Variants in ARFGEF1 observed in about 807,000 individuals in gnomAD.
ARFGEF1 encodes ARF guanine nucleotide exchange factor 1.
ARFGEF1 carries 42 observed loss-of-function variants against 231.0 expected under a neutral mutation model. The ratio of observed to expected loss-of-function variants is 0.18; its 90% CI spans 0.14 to 0.24. ARFGEF1 has a LOEUF of 0.24. Among genes scored for constraint, ARFGEF1 ranks in the 10% least tolerant of loss-of-function variants. ARFGEF1 has a pLI of 1.00. For missense variants in ARFGEF1, 1,345 were observed against 2,192.0 expected (o/e 0.61, Z 7.72); for synonymous variants, 710 against 732.3 (o/e 0.97, Z 0.49).
At chr8:67,306,933 C>G (rs1226529725) in intron 1 of ARFGEF1, among the ~76,000 whole-genome samples, 1 of 152,182 alleles carries the variant, frequency 6.6e-6, no homozygotes, top group Non-Finnish European at 1.5e-5. Context: ...TGCCCGCCAC[C>G]AAGCACAGCT....
intron 7 of ARFGEF1, among the ~76,000 whole-genome samples, chr8:67,286,584 A>G (rs1805767225): frequency 6.6e-6 from 1 of 152,230 alleles, no homozygotes; most frequent in Admixed American, 6.5e-5. Flanking sequence ...AAAAATAGGT[A>G]GCGGGTTGAA....
intron 8 of ARFGEF1, among the ~76,000 whole-genome samples, chr8:67,276,713 A>G (rs559725673): frequency 1.3e-5 from 2 of 152,254 alleles, no homozygotes; most frequent in Admixed American, 6.5e-5. Flanking sequence ...TAAATTTCTA[A>G]AAGTTTTCTC....
intron 29 of ARFGEF1, among the ~76,000 whole-genome samples, chr8:67,221,345 T>C (rs776237075): frequency 1.2e-4 from 19 of 152,288 alleles, no homozygotes; most frequent in Non-Finnish European, 2.5e-4. Context: ...TATGTGTTAC[T>C]TCCCCCTGAA....
At chr8:67,199,974 C>A in intron 38 of ARFGEF1, 1 of 288,298 alleles carries the variant, frequency 3.5e-6, no homozygotes, top group Non-Finnish European at 7.0e-6. Flanking sequence ...CCTGGAACCA[C>A]TAAATATGCC....
intron 18 of ARFGEF1, among the ~76,000 whole-genome samples, chr8:67,252,380 A>G (rs562062781): frequency 8.5e-4 from 129 of 151,622 alleles, no homozygotes; most frequent in African/African-American, 3.0e-3. Flanking sequence ...ACAACTGGCC[A>G]TAACACTCCA....
At chr8:67,209,424 G>A (rs781505823) in intron 34 of ARFGEF1, among the ~76,000 whole-genome samples, 2 of 152,146 alleles carry the variant, frequency 1.3e-5, no homozygotes, top group Non-Finnish European at 2.9e-5. Flanking sequence ...TGGGGAAGAG[G>A]AGAAGAAGAA....
At chr8:67,327,721 T>A (rs1807902398) in intron 1 of ARFGEF1, among the ~76,000 whole-genome samples, 1 of 152,232 alleles carries the variant, frequency 6.6e-6, no homozygotes, top group Non-Finnish European at 1.5e-5. Context: ...AAAATTTCCT[T>A]GTATTTGCAA....
chr8:67,272,940 T>C (rs1805156827), intron 9 of ARFGEF1, among the ~76,000 whole-genome samples: 1 of 152,010 alleles, frequency 6.6e-6, no homozygotes, highest in African/African-American at 2.4e-5. Flanking sequence ...AAACCCTGTC[T>C]GTACTAAAAA....
In ARFGEF1 at chr8:67,276,286, C is replaced by T. The variant is rs556750788; in HGVS notation, c.1204-177G>A. Among the ~76,000 whole-genome samples, 5 of 152,168 alleles carry T rather than the reference C, an allele frequency of 3.3e-5. No homozygotes were observed. The South Asian group carries it at 6.2e-4, about 19-fold the overall frequency. On this transcript the variant is annotated intron_variant, in intron 8 of 38. Transcript: ENST00000262215. ...TTTCTTTTATACTCCACGGACCACA[C>T]CCAACAATAAATACCTTTAAAAATG...
chr8:67,313,737 G>A (rs1318799175), intron 1 of ARFGEF1, among the ~76,000 whole-genome samples: 1 of 152,280 alleles, frequency 6.6e-6, no homozygotes, highest in East Asian at 1.9e-4. Context: ...GTGCTGGTTG[G>A]CCTCCTGCCA....
chr8:67,253,536 T>A lies in ARFGEF1; in HGVS notation c.2613A>T (p.Ser871=). The change falls in exon 18 of 39, where the codon TCA becomes TCT. Residue 871 remains serine (S), a synonymous_variant. Transcript: ENST00000262215. ...DSKDLPEEYL[S]AIYNEIAGKK... ...TCCCAGCTATTTCATTATAGATGGC[T>A]GATAGATACTCTTCAGGAAGGTCTT... The A allele has an allele frequency of 1.3e-6, 2 of 1,583,628 alleles. No homozygotes were observed. Among genetic ancestry groups the A allele is most frequent in the Non-Finnish European group, 1.7e-6 (2 of 1,153,246 alleles).
chr8:67,195,852 CTAT>C, downstream of ARFGEF1: 1 of 398,828 alleles, frequency 2.5e-6, no homozygotes, highest in South Asian at 3.2e-5. Flanking sequence ...GATTGAACTA[CTAT>C]ATGTGCATTA....
chr8:67,323,276 A>G (rs556867435), intron 1 of ARFGEF1, among the ~76,000 whole-genome samples: 107 of 152,120 alleles, frequency 7.0e-4, no homozygotes, highest in Non-Finnish European at 1.4e-3. Context: ...CAAAAAAGCA[A>G]TAAATGAGAG....
At chr8:67,191,103 A>T (rs1836111797) in intron 5 of ARFGEF1, among the ~76,000 whole-genome samples, 1 of 152,226 alleles carries the variant, frequency 6.6e-6, no homozygotes, top group Admixed American at 6.5e-5. Flanking sequence ...TAATTCTGTG[A>T]TATAGGCATC....
chr8:67,216,619 G>A lies in ARFGEF1; in HGVS notation c.4657C>T (p.Pro1553Ser), dbSNP rs374667605. 28 of 1,606,394 alleles carry A rather than the reference G, an allele frequency of 1.7e-5. No individual in the cohort carries two copies. The highest frequency in any genetic ancestry group is 3.5e-5 in the Admixed American group (2 of 57,764). ...GGCTTTTCACTTACAGGAGATGGAG[G>A]TGGGGGGGCAGTTTCTCCAGAATTG... ...RPNSGETAPP[P>S]PSPVSEKPLD... The change falls in exon 33 of 39, where the codon CCT (proline) becomes TCT (serine). Residue 1553 changes from proline (P) to serine (S), a missense_variant. Coordinates refer to ENST00000262215, the MANE Select transcript of ARFGEF1 (RefSeq NM_006421.5).
intron 7 of ARFGEF1, among the ~76,000 whole-genome samples, chr8:67,285,892 GA>G (rs1478471650): frequency 6.6e-6 from 1 of 152,116 alleles, no homozygotes; most frequent in Admixed American, 6.6e-5. Flanking sequence ...CAAATGTCAT[GA>G]AAGTTGGGGG....
intron 5 of ARFGEF1, among the ~76,000 whole-genome samples, chr8:67,294,506 T>A (rs2128911195): frequency 6.6e-6 from 1 of 152,276 alleles, no homozygotes; most frequent in South Asian, 2.1e-4. Flanking sequence ...ACTTAGTAAA[T>A]TTGTTTCTCA....
chr8:67,305,307 T>A (rs1248224179), intron 1 of ARFGEF1, among the ~76,000 whole-genome samples: 1 of 152,134 alleles, frequency 6.6e-6, no homozygotes, highest in Non-Finnish European at 1.5e-5. Flanking sequence ...GCAATCAACT[T>A]GATAGGGAAA....
rs191398064 is a variant in ARFGEF1, at chr8:67,215,181, G to C, written c.4686+1409C>G. On this transcript the variant is annotated intron_variant, in intron 33 of 38. Coordinates refer to ENST00000262215, the MANE Select transcript of ARFGEF1 (RefSeq NM_006421.5). Reference sequence around the variant, plus strand: ...TGGAGACGAATTCTGCCCCAGAATAGAGCATACTCAAGAGTGTCATCCATC... The same window carrying C: ...TGGAGACGAATTCTGCCCCAGAATACAGCATACTCAAGAGTGTCATCCATC... 7.6e-4 allele frequency among the ~76,000 whole-genome samples: 116 copies of C among 152,282 alleles called. 1 individual carries two copies. Among genetic ancestry groups the C allele is most frequent in the African/African-American group, 2.6e-3 (106 of 41,568 alleles).
Sources: allele counts gnomAD v4.1 joint callset (sites outside exome capture counted in the v4.1 genomes callset), GRCh38; gene constraint gnomAD v4.1.1; transcripts MANE v1.5; gene names NCBI Gene and HGNC (gene_info 2026-07-23, HGNC 2026-07-21).